Variants in MSI2 observed in about 807,000 individuals in gnomAD.
MSI2 encodes musashi RNA binding protein 2, also known as RNA-binding protein Musashi homolog 2.
In MSI2, 17 loss-of-function variants were observed where a neutral mutation model predicts 45.6. That is an observed-to-expected ratio of 0.37 (90% confidence interval 0.26 to 0.56). MSI2 has a LOEUF of 0.56. MSI2 is among the 20% of genes least tolerant of loss of function. The probability of loss-of-function intolerance (pLI) is 0.77; values close to 1 mark genes in which losing one functional copy is unlikely to be tolerated. For synonymous variants in MSI2, 156 were observed against 158.2 expected (o/e 0.99, Z 0.11); for missense variants, 293 against 444.2 (o/e 0.66, Z 3.06).
At chr17:57,561,963 T>TTATA (rs2087586992) in intron 7 of MSI2, among the ~76,000 whole-genome samples, 1 of 152,176 alleles carries the variant, frequency 6.6e-6, no homozygotes, top group Non-Finnish European at 1.5e-5. Context: ...TTTCTACTTA[T>TTATA]TATATATATA....
intron 7 of MSI2, among the ~76,000 whole-genome samples, chr17:57,557,488 C>T (rs569890332): frequency 6.6e-6 from 1 of 152,356 alleles, no homozygotes; most frequent in East Asian, 1.9e-4. Context: ...CATCACCACC[C>T]AGCTCACTTC....
At chr17:57,351,609 A>G (rs1310344635) in intron 5 of MSI2, among the ~76,000 whole-genome samples, 3 of 152,128 alleles carry the variant, frequency 2.0e-5, no homozygotes, top group Non-Finnish European at 4.4e-5. Flanking sequence ...TAATCCCAGC[A>G]CTTTGGGAGG....
intron 6 of MSI2, among the ~76,000 whole-genome samples, chr17:57,460,128 CAAATAAATAAATAAATAAATAAAT>C (rs72396563): frequency 1.6e-4 from 22 of 138,902 alleles, no homozygotes; most frequent in African/African-American, 3.0e-4. Context: ...AACTCTGTCT[CAAATAAATAAATAAATAAATAAAT>C]AAATAAATAA....
chr17:57,537,788 G>C (rs1392144279), intron 7 of MSI2, among the ~76,000 whole-genome samples: 3 of 152,216 alleles, frequency 2.0e-5, no homozygotes, highest in African/African-American at 7.2e-5. Context: ...CAACTTCCTA[G>C]CAACAGGGCT....
At chr17:57,645,930 C>G (rs1325393803) in intron 10 of MSI2, among the ~76,000 whole-genome samples, 4 of 152,178 alleles carry the variant, frequency 2.6e-5, no homozygotes, top group Non-Finnish European at 5.9e-5. Flanking sequence ...ATGAATCATG[C>G]CCCTGGACCC....
At chr17:57,649,984 C>A (rs1206270997) in intron 10 of MSI2, among the ~76,000 whole-genome samples, 1 of 152,226 alleles carries the variant, frequency 6.6e-6, no homozygotes, top group Non-Finnish European at 1.5e-5. Flanking sequence ...CCTCTTCTCA[C>A]ACCCTCCCTC....
chr17:57,589,746 G>A (rs755619969), intron 7 of MSI2, among the ~76,000 whole-genome samples: 4 of 152,166 alleles, frequency 2.6e-5, no homozygotes, highest in Non-Finnish European at 5.9e-5. Flanking sequence ...AAAGTAGGGG[G>A]GAGTGTGAAA....
rs1297316042 is a variant in MSI2, at chr17:57,415,254, A to C, written c.405+13783A>C. On this transcript the variant is annotated intron_variant, in intron 6 of 13. Transcript: ENST00000284073. Reference sequence around the variant, plus strand: ...GTCCAACAACATTAAGCCACAGCACAATCCTCCCTGATGTTGAGAAATCTG... The same window carrying C: ...GTCCAACAACATTAAGCCACAGCACCATCCTCCCTGATGTTGAGAAATCTG... Among the ~76,000 whole-genome samples the C allele has an allele frequency of 2.0e-5, 3 of 152,190 alleles. No individual in the cohort carries two copies. The East Asian group carries it at 5.8e-4, about 29-fold the overall frequency.
chr17:57,315,247 T>G (rs996791085), intron 5 of MSI2, among the ~76,000 whole-genome samples: 1 of 152,178 alleles, frequency 6.6e-6, no homozygotes, highest in East Asian at 1.9e-4. Flanking sequence ...TACCAATGTC[T>G]TGTCCTGGTG....
At chr17:57,413,951 G>C (rs564038701) in intron 6 of MSI2, among the ~76,000 whole-genome samples, 25 of 151,946 alleles carry the variant, frequency 1.6e-4, no homozygotes, top group Non-Finnish European at 2.8e-4. Context: ...TGATTACCTT[G>C]AATGCCAGGT....
chr17:57,286,514 A>T (rs1238429925), intron 5 of MSI2, among the ~76,000 whole-genome samples: 1 of 151,178 alleles, frequency 6.6e-6, no homozygotes, highest in Non-Finnish European at 1.5e-5. Flanking sequence ...GGACTTGGAC[A>T]GATTTCTGGA....
At chr17:57,487,361 CCT>C (rs2085776068) in intron 6 of MSI2, among the ~76,000 whole-genome samples, 1 of 152,128 alleles carries the variant, frequency 6.6e-6, no homozygotes, top group Non-Finnish European at 1.5e-5. Context: ...CATCTCCGTG[CCT>C]CTCTTTTTTC....
At chr17:57,527,602 C>A (rs561044817) in intron 6 of MSI2, among the ~76,000 whole-genome samples, 1 of 152,332 alleles carries the variant, frequency 6.6e-6, no homozygotes, top group South Asian at 2.1e-4. Context: ...GAGGAGCCAC[C>A]ATGCCAGGCC....
chr17:57,269,770 G>A (rs1908182336), intron 5 of MSI2, among the ~76,000 whole-genome samples: 1 of 152,200 alleles, frequency 6.6e-6, no homozygotes, highest in African/African-American at 2.4e-5. Flanking sequence ...TAACCCCAGT[G>A]TGTGTCCCGT....
intron 6 of MSI2, among the ~76,000 whole-genome samples, chr17:57,468,255 G>A (rs927605622): frequency 1.3e-5 from 2 of 150,904 alleles, no homozygotes; most frequent in Non-Finnish European, 2.9e-5. Context: ...GGCCCAGTAC[G>A]ATGGCTCACA....
At chr17:57,305,150 C>T (rs895332045) in intron 5 of MSI2, among the ~76,000 whole-genome samples, 6 of 152,078 alleles carry the variant, frequency 3.9e-5, no homozygotes, top group Admixed American at 6.5e-5. Context: ...GGAAAGGCCC[C>T]CTCAGTTGGG....
rs371010208 is a variant in MSI2 at position 57,675,009 on chromosome 17, C to T, written c.828C>T (p.Ala276=). The T allele has an allele frequency of 1.1e-5, 18 of 1,613,620 alleles. No individual in the cohort carries two copies. The African/African-American group carries it at 2.3e-4, about 20-fold the overall frequency. The part of the protein sequence containing the change: ...NPARPGGFPG[A]NSPGPVADLY... ...CGCGGCCCGGAGGCTTCCCGGGGGC[C>T]AACAGCCCAGGACCTGTCGCCGATC... Residue 276 remains alanine (A), a synonymous_variant, in exon 12 of 14, where the codon GCC becomes GCT. Coordinates refer to ENST00000284073, the MANE Select transcript of MSI2 (RefSeq NM_138962.4).
At chr17:57,337,910 T>A (rs1914805441) in intron 5 of MSI2, among the ~76,000 whole-genome samples, 1 of 152,212 alleles carries the variant, frequency 6.6e-6, no homozygotes, top group Admixed American at 6.5e-5. Context: ...CGCTGTGTTG[T>A]GTGCATGTGT....
intron 5 of MSI2, among the ~76,000 whole-genome samples, chr17:57,385,286 T>C (rs1364919456): frequency 6.6e-6 from 1 of 152,230 alleles, no homozygotes; most frequent in Non-Finnish European, 1.5e-5. Flanking sequence ...TCTTGTGATA[T>C]AACCCTTGTT....
Sources: gnomAD v4.1 joint callset for allele counts (sites outside exome capture counted in the v4.1 genomes callset) on GRCh38, gnomAD v4.1.1 for gene constraint, MANE v1.5 for transcripts, NCBI Gene and HGNC (gene_info 2026-07-23, HGNC 2026-07-21) for gene names.